The following PTPRD variants were observed in gnomAD, a reference collection of about 807,000 sequenced individuals.
The protein encoded by PTPRD is receptor-type tyrosine-protein phosphatase delta.
PTPRD carries 34 observed loss-of-function variants against 214.5 expected under a neutral mutation model. The ratio of observed to expected loss-of-function variants is 0.16; its 90% CI spans 0.12 to 0.21. The LOEUF is 0.21. Ranked by LOEUF, PTPRD falls within the 10% of genes least tolerant of loss-of-function variation. PTPRD has a pLI of 1.00. For synonymous variants in PTPRD, 1,128 were observed against 845.7 expected, an observed-to-expected ratio of 1.33 and a Z score of -5.79; for missense variants, 2,545 against 2,398.7, an observed-to-expected ratio of 1.06 and a Z score of -1.27.
At chr9:9,959,486 T>C (rs781662612) in intron 4 of PTPRD, among the ~76,000 whole-genome samples, 1 of 152,148 alleles carries the variant, frequency 6.6e-6, no homozygotes, top group East Asian at 1.9e-4. Context: ...TAAAACTTAA[T>C]GTATAGACAT....
intron 5 of PTPRD, among the ~76,000 whole-genome samples, chr9:9,827,398 C>T (rs1336000200): frequency 6.6e-6 from 1 of 152,094 alleles, no homozygotes; most frequent in Non-Finnish European, 1.5e-5. Flanking sequence ...CAAAAACAAG[C>T]AATGGGGAAA....
intron 27 of PTPRD, among the ~76,000 whole-genome samples, chr9:8,487,481 G>C (rs2097050580): frequency 6.6e-6 from 1 of 152,122 alleles, no homozygotes; most frequent in Non-Finnish European, 1.5e-5. Flanking sequence ...TATAATCCCA[G>C]CACTTTGGGA....
chr9:10,289,644 A>G (rs983814091), intron 3 of PTPRD, among the ~76,000 whole-genome samples: 7 of 152,200 alleles, frequency 4.6e-5, no homozygotes, highest in African/African-American at 1.7e-4. Context: ...GACTTCTAAT[A>G]TCGGAAGGTT....
rs2096749988 is a variant in PTPRD, at chr9:8,809,167, C to T, written c.-103-75221G>A. Among the ~76,000 whole-genome samples, 3 of 152,044 alleles carry T rather than the reference C, an allele frequency of 2.0e-5. No individual in the cohort carries two copies. The South Asian group carries it at 6.2e-4, about 32-fold the overall frequency. On this transcript the variant is annotated intron_variant, in intron 11 of 45. Coordinates refer to ENST00000381196, the MANE Select transcript of PTPRD (RefSeq NM_002839.4). ...CAGCATCCTATACTTCATCTATCTC[C>T]ACAAAACAAAAGCTTGAAAATACTA...
rs915756002 is a variant in PTPRD at position 8,493,999 on chromosome 9, GACACACAGACACACACACAC to G, written c.2350-1040_2350-1021del. On this transcript the variant is annotated intron_variant, in intron 26 of 45. Coordinates refer to ENST00000381196, the MANE Select transcript of PTPRD (RefSeq NM_002839.4). The stretch of plus-strand genomic sequence containing the variant: ...ATGCGCACACACACAGACACACACA[GACACACAGACACACACACAC>G]ACACACACACACACACACACAGCAA... 1.6e-4 allele frequency among the ~76,000 whole-genome samples: 23 copies of G among 141,898 alleles called. 1 individual carries two copies. Among genetic ancestry groups the G allele is most frequent in the Non-Finnish European group, 2.5e-4 (16 of 64,336 alleles). The allele number at this position is 141,898 out of a possible 152,430, so 93.1% of individuals were successfully genotyped here. A position where few individuals can be genotyped will look rare whatever the true frequency, so the allele number is the denominator to read the frequency against.
chr9:10,227,125 A>G (rs2099591442), intron 3 of PTPRD, among the ~76,000 whole-genome samples: 1 of 151,960 alleles, frequency 6.6e-6, no homozygotes, highest in Admixed American at 6.6e-5. Context: ...TATAAAATGG[A>G]AGCTAATATT....
intron 2 of PTPRD, among the ~76,000 whole-genome samples, chr9:10,343,533 G>A (rs906733692): frequency 1.3e-5 from 2 of 152,068 alleles, no homozygotes; most frequent in African/African-American, 2.4e-5. Context: ...TCTTGTTCTA[G>A]GTCCTTGAGG....
intron 36 of PTPRD, among the ~76,000 whole-genome samples, chr9:8,399,774 T>A (rs1380833957): frequency 2.0e-5 from 3 of 152,170 alleles, no homozygotes; most frequent in African/African-American, 7.2e-5. Context: ...GGCAGGGCTA[T>A]TATGATTTCA....
chr9:9,470,162 G>T (rs959027532), intron 8 of PTPRD, among the ~76,000 whole-genome samples: 1 of 152,162 alleles, frequency 6.6e-6, no homozygotes, highest in African/African-American at 2.4e-5. Flanking sequence ...AATAGTGGAT[G>T]TGTAATATGA....
chr9:9,916,005 G>C (rs191659552), intron 5 of PTPRD, among the ~76,000 whole-genome samples: 4 of 151,270 alleles, frequency 2.6e-5, no homozygotes, highest in African/African-American at 7.3e-5. Flanking sequence ...ATTTCCACTA[G>C]ATTAACAGCA....
At chr9:8,859,804 T>TGGGGG (rs140012420) in intron 11 of PTPRD, among the ~76,000 whole-genome samples, 4 of 142,440 alleles carry the variant, frequency 2.8e-5, no homozygotes, top group East Asian at 2.3e-4. Flanking sequence ...TCCAGCAATT[T>TGGGGG]GGGGGTGGGG....
At chr9:10,314,894 G>A (rs1288293472) in intron 3 of PTPRD, among the ~76,000 whole-genome samples, 1 of 151,792 alleles carries the variant, frequency 6.6e-6, no homozygotes, top group Non-Finnish European at 1.5e-5. Context: ...AGAATTGCAG[G>A]TTTTCTCTGG....
At chr9:8,945,756 GTACCTTTGGATA>G (rs2099060364) in intron 11 of PTPRD, among the ~76,000 whole-genome samples, 1 of 152,052 alleles carries the variant, frequency 6.6e-6, no homozygotes, top group Non-Finnish European at 1.5e-5. Flanking sequence ...CTTTGCCTGT[GTACCTTTGGATA>G]TACAGTCCCA....
chr9:10,511,313 G>A (rs73394383), intron 2 of PTPRD, among the ~76,000 whole-genome samples: 4,107 of 152,162 alleles, frequency 0.027, 166 homozygotes, highest in African/African-American at 0.088. Context: ...CAGAAGATAG[G>A]TGTATCTTTA....
At chr9:9,679,108 G>A (rs1368030219) in intron 7 of PTPRD, among the ~76,000 whole-genome samples, 1 of 119,674 alleles carries the variant, frequency 8.4e-6, no homozygotes, top group Non-Finnish European at 1.8e-5. Context: ...TGGTAATTAG[G>A]TTGAAAAAGG....
intron 2 of PTPRD, among the ~76,000 whole-genome samples, chr9:10,602,844 G>A (rs148611323): frequency 1.3e-5 from 2 of 151,750 alleles, no homozygotes; most frequent in East Asian, 2.0e-4. Flanking sequence ...ATTATGTGGG[G>A]CATGCATTAA....
chr9:10,047,354 T>TGTGTGTG (rs1567301483), intron 3 of PTPRD, among the ~76,000 whole-genome samples: 1 of 132,426 alleles, frequency 7.6e-6, no homozygotes, highest in African/African-American at 2.7e-5. Context: ...GTGTGTGTGC[T>TGTGTGTG]TGTGTGATAA....
chr9:9,145,780 A>T (rs1371221816), intron 10 of PTPRD, among the ~76,000 whole-genome samples: 1 of 152,196 alleles, frequency 6.6e-6, no homozygotes, highest in African/African-American at 2.4e-5. Context: ...ATGGCCATAT[A>T]CTTTTTCCTT....
chr9:8,624,943 C>T (rs1242672078), intron 14 of PTPRD, among the ~76,000 whole-genome samples: 1 of 151,678 alleles, frequency 6.6e-6, no homozygotes, highest in African/African-American at 2.4e-5. Context: ...TCATTCTTAC[C>T]CAAATGGTCT....
Sources: allele counts gnomAD v4.1 joint callset (sites outside exome capture counted in the v4.1 genomes callset), GRCh38; gene constraint gnomAD v4.1.1; transcripts MANE v1.5; gene names NCBI Gene and HGNC (gene_info 2026-07-23, HGNC 2026-07-21).